SLC18B1: variants seen among roughly 807,000 people sequenced by gnomAD.
SLC18B1 encodes solute carrier family 18 member B1.
In SLC18B1, 62 loss-of-function variants were observed where a neutral mutation model predicts 53.9. That is an observed-to-expected ratio of 1.15 (90% CI 0.94 to 1.42). SLC18B1 has a LOEUF of 1.42. SLC18B1 is among the 40% of genes most tolerant of loss of function. The probability of loss-of-function intolerance (pLI) is 0.00; values close to 1 mark genes in which losing one functional copy is unlikely to be tolerated. For missense variants in SLC18B1, 598 were observed against 547.3 expected (o/e 1.09, Z -0.93); for synonymous variants, 217 against 200.9 (o/e 1.08, Z -0.68).
chr6:132,789,751 G>A lies in SLC18B1; in HGVS notation c.353+13C>T, dbSNP rs749229953. ...CTGTTCAAGCTCCCAAATATAATCA[G>A]AAAATGACTTACCCAAAGAGAATTG... On this transcript the variant is annotated intron_variant, in intron 4 of 13. Coordinates refer to ENST00000275227, the MANE Select transcript of SLC18B1 (RefSeq NM_052831.3). 1.3e-6 allele frequency: 2 copies of A among 1,593,274 alleles called. No homozygotes were observed. The highest frequency in any genetic ancestry group is 1.7e-6 in the Non-Finnish European group (2 of 1,161,614).
At chr6:132,781,889 A>G (rs1329486861) in intron 6 of SLC18B1, among the ~76,000 whole-genome samples, 1 of 152,084 alleles carries the variant, frequency 6.6e-6, no homozygotes, top group Non-Finnish European at 1.5e-5. Flanking sequence ...TGACTCCTCT[A>G]CTTAAATCTA....
rs1780929226 is a variant in SLC18B1 at position 132,770,079 on chromosome 6, A to G, written c.*191T>C. On this transcript the variant is annotated 3_prime_UTR_variant, in exon 14 of 14. Coordinates refer to ENST00000275227, the MANE Select transcript of SLC18B1 (RefSeq NM_052831.3). ...ATATTTCAAATATAGCTGCTTCAGCAGGACAGCTTTTCAGTATCACAGTAA... is the reference window on the plus strand; with the variant it reads ...ATATTTCAAATATAGCTGCTTCAGCGGGACAGCTTTTCAGTATCACAGTAA... 4 of 425,150 alleles carry G rather than the reference A, an allele frequency of 9.4e-6. No individual in the cohort carries two copies. The South Asian group carries it at 2.1e-4, about 23-fold the overall frequency. 26.3% of individuals were successfully genotyped at this position (425,150 alleles called of 1,614,324 possible). A position where few individuals can be genotyped will look rare whatever the true frequency, so the allele number is the denominator to read the frequency against.
At chr6:132,780,091 CT>C (rs577032454) in intron 6 of SLC18B1, among the ~76,000 whole-genome samples, 260 of 132,126 alleles carry the variant, frequency 2.0e-3, no homozygotes, top group African/African-American at 6.7e-3. Context: ...GACATGAAAG[CT>C]TTTTTTTCTT....
At chr6:132,789,890 A>G in intron 3 of SLC18B1, 53 bp from the exon 4 acceptor site, 2 of 1,259,112 alleles carry the variant, frequency 1.6e-6, no homozygotes, top group South Asian at 2.4e-5. Context: ...GAAAGTCTAT[A>G]TTGATATAAA....
At chr6:132,784,750 C>T (rs1781326735) in intron 5 of SLC18B1, among the ~76,000 whole-genome samples, 1 of 152,132 alleles carries the variant, frequency 6.6e-6, no homozygotes, top group African/African-American at 2.4e-5. Flanking sequence ...GCAGATATGA[C>T]ATGGTATGTA....
intron 6 of SLC18B1, among the ~76,000 whole-genome samples, chr6:132,780,080 A>T (rs1781194130): frequency 6.7e-6 from 1 of 149,668 alleles, no homozygotes; most frequent in Non-Finnish European, 1.5e-5. Context: ...AAATCATATC[A>T]GACATGAAAG....
At position 132,790,289 on chromosome 6, in the gene SLC18B1, C is replaced by G; in HGVS notation, c.184-17G>C. 6.7e-7 allele frequency: 1 copy of G among 1,489,862 alleles called. No homozygotes were observed. The highest frequency in any genetic ancestry group is 1.3e-5 in the South Asian group (1 of 74,902). 92.3% of individuals were successfully genotyped at this position (1,489,862 alleles called of 1,614,324 possible). ...CTTTTCAGCCTTTAAGTAATAGAAA[C>G]GGAAACAAAGTTTCAAAGAAAAATT... On this transcript the variant is annotated splice_polypyrimidine_tract_variant and intron_variant, in intron 2 of 13. Transcript: ENST00000275227.
chr6:132,797,013 T>C lies in SLC18B1; in HGVS notation c.152A>G (p.Tyr51Cys). 6.2e-7 allele frequency: 1 copy of C among 1,614,142 alleles called. No homozygotes were observed. Among genetic ancestry groups the C allele is most frequent in the South Asian group, 1.1e-5 (1 of 91,088 alleles). The change falls in exon 2 of 14, where the codon TAT becomes TGT. Residue 51 changes from tyrosine (Y) to cysteine (C), a missense_variant. Coordinates refer to ENST00000275227, the MANE Select transcript of SLC18B1 (RefSeq NM_052831.3). The part of the protein sequence containing the change: ...ASVNLGSMMC[Y>C]SILGPFFPKE... ...GGGGAAAAACGGTCCAAGTATAGAA[T>C]AGCACATCATGGAACCTAAGTTCAC... is the stretch of plus-strand genomic sequence containing the variant.
chr6:132,797,101 C>A lies in SLC18B1; in HGVS notation c.64G>T (p.Ala22Ser), dbSNP rs994133622. 6.2e-7 allele frequency: 1 copy of A among 1,613,880 alleles called. No homozygotes were observed. Among genetic ancestry groups the A allele is most frequent in the Non-Finnish European group, 8.5e-7 (1 of 1,179,956 alleles). The change falls in exon 2 of 14, where the codon GCA (alanine) becomes TCA (serine). Residue 22 changes from alanine (A) to serine (S), a missense_variant. Ala to Ser is a moderately conservative substitution (Grantham distance 99). Transcript: ENST00000275227. The stretch of plus-strand genomic sequence containing the variant: ...GAAAGCCACCCGGGGGTCTCTCCTG[C>A]ACTTCCTGCAGGATCATCACCTTGA... ...APGGDDPAGS[A>S]GETPGWLSRE...
At chr6:132,796,669 C>T (rs1010089449) in intron 2 of SLC18B1, among the ~76,000 whole-genome samples, 2 of 151,834 alleles carry the variant, frequency 1.3e-5, no homozygotes, top group Non-Finnish European at 2.9e-5. Flanking sequence ...CTCAGTTATT[C>T]AGTGCACTCC....
intron 10 of SLC18B1, 121 bp downstream of exon 10, chr6:132,772,872 A>G (rs1001909767): frequency 1.5e-6 from 1 of 646,412 alleles, no homozygotes; most frequent in Non-Finnish European, 2.8e-6. Flanking sequence ...CTACAAAATC[A>G]TGAAGATTTA....
chr6:132,777,423 A>T (rs561500879), intron 7 of SLC18B1, among the ~76,000 whole-genome samples: 5 of 152,186 alleles, frequency 3.3e-5, no homozygotes, highest in Non-Finnish European at 5.9e-5. Context: ...TATAAGATAT[A>T]CACAAACGGG....
chr6:132,777,990 G>A (rs1254766114), intron 7 of SLC18B1, among the ~76,000 whole-genome samples: 6 of 152,158 alleles, frequency 3.9e-5, no homozygotes, highest in Non-Finnish European at 5.9e-5. Flanking sequence ...GACTGAGTCC[G>A]AAAAAGGAGT....
chr6:132,773,183 A>C (rs775667060), intron 9 of SLC18B1, 95 bp from the exon 10 acceptor site: 22 of 788,654 alleles, frequency 2.8e-5, no homozygotes, highest in Non-Finnish European at 4.2e-5. Context: ...AGGATCCCTG[A>C]TAAGTTATTT....
chr6:132,779,303 G>A lies in SLC18B1; in HGVS notation c.760C>T (p.Leu254Phe). 1.2e-6 allele frequency: 2 copies of A among 1,614,012 alleles called. No individual in the cohort carries two copies. The highest frequency in any genetic ancestry group is 1.7e-6 in the Non-Finnish European group (2 of 1,179,962). The part of the protein sequence containing the change: ...INSLSSCFGF[L>F]DPTLSLFVLE... ...ACAAAGAGAGACAGAGTAGGATCGAGGAAGCCAAAACACGAGCTGAGTGAG... is the reference window on the plus strand; with the variant it reads ...ACAAAGAGAGACAGAGTAGGATCGAAGAAGCCAAAACACGAGCTGAGTGAG... Residue 254 changes from leucine (L) to phenylalanine (F), a missense_variant, in exon 7 of 14, where the codon CTC (leucine) becomes TTC (phenylalanine). Transcript: ENST00000275227.
chr6:132,786,535 C>G (rs1203375385), intron 5 of SLC18B1, among the ~76,000 whole-genome samples: 1 of 122,460 alleles, frequency 8.2e-6, no homozygotes, highest in Admixed American at 1.1e-4. Flanking sequence ...GGCTACGGAG[C>G]GAGACTCCAT....
At position 132,772,156 on chromosome 6, in the gene SLC18B1, A is replaced by G; in HGVS notation, c.1136T>C (p.Leu379Pro). The part of the protein sequence containing the change: ...GLSTLGLVSG[L>P]FSAMWSIGAF... The stretch of plus-strand genomic sequence containing the variant: ...CCCAATTGACCACATTGCACTAAAA[A>G]GACCTGATACAAGTCCCAATGTACT... The change falls in exon 11 of 14, where the codon CTT becomes CCT. Residue 379 changes from leucine (L) to proline (P), a missense_variant. Coordinates refer to ENST00000275227, the MANE Select transcript of SLC18B1 (RefSeq NM_052831.3). 1 of 1,580,644 alleles carries G rather than the reference A, an allele frequency of 6.3e-7. No homozygotes were observed. The highest frequency in any genetic ancestry group is 8.6e-7 in the Non-Finnish European group (1 of 1,169,388).
At position 132,774,252 on chromosome 6, in the gene SLC18B1, A is replaced by G; in HGVS notation, c.959T>C (p.Leu320Ser). 1 of 1,613,404 alleles carries G rather than the reference A, an allele frequency of 6.2e-7. No individual in the cohort carries two copies. The highest frequency in any genetic ancestry group is 8.5e-7 in the Non-Finnish European group (1 of 1,179,586). The change falls in exon 9 of 14, where the codon TTA (leucine) becomes TCA (serine). Residue 320 changes from leucine (L) to serine (S), a missense_variant. Coordinates refer to ENST00000275227, the MANE Select transcript of SLC18B1 (RefSeq NM_052831.3). Reference sequence around the variant, plus strand: ...AATATGCAAGATTGGGACAGGCCCTAAGAGCATGTAGCACCCGGCTGTGAT... The same window carrying G: ...AATATGCAAGATTGGGACAGGCCCTGAGAGCATGTAGCACCCGGCTGTGAT... ...NLITAGCYML[L>S]GPVPILHIKS... is the part of the protein sequence containing the mutation.
intron 6 of SLC18B1, among the ~76,000 whole-genome samples, chr6:132,780,746 G>C (rs1164075203): frequency 2.0e-5 from 3 of 151,968 alleles, no homozygotes; most frequent in Non-Finnish European, 4.4e-5. Flanking sequence ...ATTTTTAGTA[G>C]AGACGGGGTT....
Sources: gnomAD v4.1 joint callset for allele counts (sites outside exome capture counted in the v4.1 genomes callset) on GRCh38, gnomAD v4.1.1 for gene constraint, MANE v1.5 for transcripts, NCBI Gene and HGNC (gene_info 2026-07-23, HGNC 2026-07-21) for gene names.